MDGA2: variants seen among roughly 807,000 people sequenced by gnomAD.
MDGA2 encodes the protein MAM domain containing glycosylphosphatidylinositol anchor 2, also known as MAM domain-containing glycosylphosphatidylinositol anchor protein 2.
MDGA2 carries 40 observed loss-of-function variants against 117.8 expected under a neutral mutation model. The ratio of observed to expected loss-of-function variants is 0.34; its 90% CI spans 0.26 to 0.44. MDGA2 has a LOEUF of 0.44. Among genes scored for constraint, MDGA2 ranks in the 20% least tolerant of loss-of-function variants. The pLI, the probability that MDGA2 is intolerant of heterozygous loss-of-function variation, is 1.00. For missense variants in MDGA2, 1,123 were observed against 1,250.6 expected, an observed-to-expected ratio of 0.90 and a Z score of 1.54; for synonymous variants, 452 against 439.0, an observed-to-expected ratio of 1.03 and a Z score of -0.37.
intron 8 of MDGA2, among the ~76,000 whole-genome samples, chr14:46,987,343 C>T (rs541120991): frequency 1.3e-5 from 2 of 151,996 alleles, no homozygotes; most frequent in South Asian, 4.2e-4. Context: ...TGTGATTTGC[C>T]CTGCCAGAGC....
At position 46,882,629 on chromosome 14, in the gene MDGA2, T is replaced by C. The variant is rs1301525395; in HGVS notation, c.2239-408A>G. Among the ~76,000 whole-genome samples, 3 of 151,612 alleles carry C rather than the reference T, an allele frequency of 2.0e-5. No individual in the cohort carries two copies. In the East Asian group the frequency reaches 5.8e-4, roughly 29 times the overall value. ...TGCATATATAACTGTTCCCATATAT[T>C]ATGGGCATTAAAAGTATAAAACAAA... On this transcript the variant is annotated intron_variant, in intron 10 of 16. Coordinates refer to ENST00000399232, the MANE Select transcript of MDGA2 (RefSeq NM_001113498.3).
At chr14:47,371,660 A>T (rs118081849) in intron 1 of MDGA2, among the ~76,000 whole-genome samples, 4,791 of 151,796 alleles carry the variant, frequency 0.032, 86 homozygotes, top group South Asian at 0.055. Context: ...TAAATTTTCC[A>T]TAGTCATAGT....
intron 8 of MDGA2, chr14:46,996,913 A>G: frequency 2.7e-6 from 1 of 369,496 alleles, no homozygotes. Context: ...ACAGCAAGGG[A>G]GAGCACCTAG....
intron 3 of MDGA2, among the ~76,000 whole-genome samples, chr14:47,211,548 T>G (rs1342865844): frequency 1.3e-5 from 2 of 152,218 alleles, no homozygotes; most frequent in African/African-American, 2.4e-5. Flanking sequence ...ATAAAGGTCC[T>G]GCAAGAAAGC....
chr14:47,459,293 T>C lies in MDGA2; in HGVS notation c.281-157743A>G, dbSNP rs567808384. ...AGGTTTGGGGTATAAGACAGTGGCC[T>C]GGTTTTCTCCATAGTACAGGTCCTG... On this transcript the variant is annotated intron_variant, in intron 1 of 16. Coordinates refer to ENST00000399232, the MANE Select transcript of MDGA2 (RefSeq NM_001113498.3). Among the ~76,000 whole-genome samples, 49 of 152,264 alleles carry C rather than the reference T, an allele frequency of 3.2e-4. No homozygotes were observed. The South Asian group carries it at 5.6e-3, about 17-fold the overall frequency.
At chr14:46,849,739 A>G (rs1426502490) in intron 15 of MDGA2, among the ~76,000 whole-genome samples, 1 of 151,538 alleles carries the variant, frequency 6.6e-6, no homozygotes, top group Non-Finnish European at 1.5e-5. Flanking sequence ...GAGAATTAAG[A>G]CTCTCTAGTT....
At chr14:47,338,184 C>T (rs1890516999) in intron 1 of MDGA2, among the ~76,000 whole-genome samples, 1 of 151,730 alleles carries the variant, frequency 6.6e-6, no homozygotes, top group Non-Finnish European at 1.5e-5. Context: ...ATTAGCATGC[C>T]ATCAAACTAG....
At chr14:47,643,227 T>G (rs904287372) in intron 1 of MDGA2, among the ~76,000 whole-genome samples, 2 of 152,114 alleles carry the variant, frequency 1.3e-5, no homozygotes, top group African/African-American at 4.8e-5. Context: ...CAAAAAATTT[T>G]TAAAAGGAAA....
intron 1 of MDGA2, among the ~76,000 whole-genome samples, chr14:47,534,704 A>AT (rs1252609083): frequency 1.3e-5 from 2 of 152,330 alleles, no homozygotes; most frequent in African/African-American, 4.8e-5. Context: ...GAGCCTAACC[A>AT]TATCAGTAGC....
chr14:47,192,262 T>C (rs566108743), intron 3 of MDGA2, among the ~76,000 whole-genome samples: 4 of 151,906 alleles, frequency 2.6e-5, no homozygotes, highest in East Asian at 3.9e-4. Context: ...AAGTGTGAGA[T>C]GGACTAAGAG....
chr14:47,339,839 C>T (rs779208222), intron 1 of MDGA2, among the ~76,000 whole-genome samples: 10 of 152,198 alleles, frequency 6.6e-5, no homozygotes, highest in African/African-American at 9.6e-5. Context: ...TAACAGAAAG[C>T]ATGATTTCTG....
intron 3 of MDGA2, among the ~76,000 whole-genome samples, chr14:47,156,937 T>C (rs1883412310): frequency 6.6e-6 from 1 of 152,166 alleles, no homozygotes. Context: ...CTCATAACAA[T>C]AGATAACGCT....
At chr14:46,888,338 G>A (rs1882747667) in intron 10 of MDGA2, among the ~76,000 whole-genome samples, 1 of 151,828 alleles carries the variant, frequency 6.6e-6, no homozygotes, top group Admixed American at 6.6e-5. Flanking sequence ...AAACAATACA[G>A]CAGATGACAA....
intron 8 of MDGA2, among the ~76,000 whole-genome samples, chr14:46,993,112 GAA>G (rs755988428): frequency 6.6e-6 from 1 of 151,762 alleles, no homozygotes; most frequent in South Asian, 2.1e-4. Context: ...AACCTCTGAT[GAA>G]AAAATGTTAA....
chr14:47,000,159 T>C (rs887009343), intron 8 of MDGA2, among the ~76,000 whole-genome samples: 1 of 150,928 alleles, frequency 6.6e-6, no homozygotes, highest in East Asian at 1.9e-4. Flanking sequence ...TGATACTTAC[T>C]ATATGCCAGA....
intron 8 of MDGA2, among the ~76,000 whole-genome samples, chr14:47,030,446 G>A (rs556818517): frequency 8.6e-5 from 13 of 151,864 alleles, no homozygotes; most frequent in African/African-American, 2.4e-4. Context: ...CCAGGGAGGC[G>A]GAAGTTGTGG....
At chr14:47,360,072 C>T (rs932382771) in intron 1 of MDGA2, among the ~76,000 whole-genome samples, 19 of 151,890 alleles carry the variant, frequency 1.3e-4, no homozygotes, top group African/African-American at 4.3e-4. Flanking sequence ...GTGCAAAGGG[C>T]CGGGTGCAGT....
At chr14:47,160,673 T>C (rs1286105298) in intron 3 of MDGA2, among the ~76,000 whole-genome samples, 1 of 152,040 alleles carries the variant, frequency 6.6e-6, no homozygotes, top group Non-Finnish European at 1.5e-5. Flanking sequence ...CTAAAATAAA[T>C]GAATAAATAA....
chr14:47,046,602 A>AT (rs1566591246), intron 7 of MDGA2, among the ~76,000 whole-genome samples: 1 of 149,020 alleles, frequency 6.7e-6, no homozygotes, highest in Non-Finnish European at 1.5e-5. Context: ...AAGTATAATA[A>AT]AAATAAATAA....
Sources: allele counts gnomAD v4.1 joint callset (sites outside exome capture counted in the v4.1 genomes callset), GRCh38; gene constraint gnomAD v4.1.1; transcripts MANE v1.5; gene names NCBI Gene and HGNC (gene_info 2026-07-23, HGNC 2026-07-21).